Variants in FBLN7 observed in about 807,000 individuals in gnomAD.
FBLN7 encodes the protein fibulin-7.
FBLN7 carries 31 observed loss-of-function variants against 44.0 expected under a neutral mutation model. The observed-to-expected ratio is 0.70, with a 90% CI of 0.53 to 0.95. FBLN7 has a LOEUF of 0.95. Among genes scored for constraint, FBLN7 ranks in the 40% least tolerant of loss-of-function variants. The pLI, the probability that FBLN7 is intolerant of heterozygous loss-of-function variation, is 0.00. For synonymous variants in FBLN7, 262 were observed against 253.4 expected (o/e 1.03, Z -0.32); for missense variants, 573 against 618.5 (o/e 0.93, Z 0.78).
Position 112,138,463 on chromosome 2 carries a change from C to A in FBLN7, c.-193C>A. 2.1e-6 allele frequency: 1 copy of A among 480,042 alleles called. No individual in the cohort carries two copies. The highest frequency in any genetic ancestry group is 3.1e-6 in the Non-Finnish European group (1 of 326,972). The allele number at this position is 480,042 out of a possible 1,614,324, so 29.7% of individuals were successfully genotyped here. On this transcript the variant is annotated 5_prime_UTR_variant, in exon 1 of 8. Coordinates refer to ENST00000331203, the MANE Select transcript of FBLN7 (RefSeq NM_153214.3). Reference sequence around the variant, plus strand: ...AGCTGCGGGCGCACCTGGACCCTCGCAAGGCCCGGGCGGCGCCGATCCCCG... The same window carrying A: ...AGCTGCGGGCGCACCTGGACCCTCGAAAGGCCCGGGCGGCGCCGATCCCCG...
At chr2:112,241,803 T>C in the FBLN7 span, among the ~76,000 whole-genome samples, 2 of 152,250 alleles carry the variant, frequency 1.3e-5, no homozygotes, top group Non-Finnish European at 2.9e-5. Context: ...ATAAAGAACA[T>C]ATTACTCTAT....
At chr2:112,178,748 A>C (rs1333851272) in intron 4 of FBLN7, among the ~76,000 whole-genome samples, 2 of 152,224 alleles carry the variant, frequency 1.3e-5, no homozygotes, top group Non-Finnish European at 2.9e-5. Flanking sequence ...CTAAAAGCAA[A>C]ACTACATGAT....
intron 4 of FBLN7, 63 bp from the exon 5 acceptor site, chr2:112,181,676 C>A (rs978972242): frequency 4.5e-6 from 6 of 1,347,438 alleles, no homozygotes; most frequent in Non-Finnish European, 3.8e-6. Context: ...CCGGCCCCTA[C>A]CCAAGGTCGG....
At chr2:112,225,316 CTA>C in the FBLN7 span, among the ~76,000 whole-genome samples, 1 of 152,190 alleles carries the variant, frequency 6.6e-6, no homozygotes, top group African/African-American at 2.4e-5. Context: ...TTTTGAAAGA[CTA>C]TAGACAACAA....
chr2:112,184,628 AAAG>A (rs1558897015), intron 6 of FBLN7, among the ~76,000 whole-genome samples: 1 of 117,910 alleles, frequency 8.5e-6, no homozygotes, highest in African/African-American at 3.3e-5. Context: ...TAATTTAAAA[AAAG>A]TGTGTGTATA....
chr2:112,209,853 G>T, the FBLN7 span, among the ~76,000 whole-genome samples: 3 of 151,322 alleles, frequency 2.0e-5, no homozygotes, highest in Admixed American at 6.6e-5. Context: ...AGCCAAAAGA[G>T]GGTGAAATTG....
chr2:112,152,963 T>C (rs1681235045), intron 1 of FBLN7: 1 of 152,208 alleles, frequency 6.6e-6, no homozygotes, highest in African/African-American at 2.4e-5. Context: ...TGTGTGTATA[T>C]ATAATATATA....
chr2:112,187,292 A>G lies in FBLN7; in HGVS notation c.1106A>G (p.Asn369Ser), dbSNP rs768361747. The change falls in exon 8 of 8, where the codon AAC becomes AGC. Residue 369 changes from asparagine (N) to serine (S), a missense_variant. Asn to Ser is a conservative substitution (Grantham distance 46, BLOSUM62 1). Transcript: ENST00000331203. This position sits in a 1 kb window ranked among gnomAD's most constrained non-coding sequence, Gnocchi z 5.1. The part of the protein sequence containing the change: ...TASAPGRAGP[N>S]SLRFGIVGGN... Reference sequence around the variant, plus strand: ...TCTGCCCCCGGCCGAGCTGGGCCCAACAGCCTGCGGTTTGGGATCGTGGGT... The same window carrying G: ...TCTGCCCCCGGCCGAGCTGGGCCCAGCAGCCTGCGGTTTGGGATCGTGGGT... 8.7e-6 allele frequency: 14 copies of G among 1,614,160 alleles called. No homozygotes were observed. Among genetic ancestry groups the G allele is most frequent in the Admixed American group, 5.0e-5 (3 of 60,018 alleles).
chr2:112,160,773 G>GCGCACACGC (rs1681789682), intron 2 of FBLN7, among the ~76,000 whole-genome samples: 1 of 22,068 alleles, frequency 4.5e-5, no homozygotes, highest in Non-Finnish European at 1.0e-4. Flanking sequence ...CGCACACGCA[G>GCGCACACGC]ACGCACACGC....
the FBLN7 span, among the ~76,000 whole-genome samples, chr2:112,233,697 C>A: frequency 1.3e-4 from 20 of 152,168 alleles, no homozygotes; most frequent in East Asian, 3.7e-3. Flanking sequence ...GAAACCTCGT[C>A]CCTACTAACA....
chr2:112,191,777 T>A (rs1355784771), downstream of FBLN7, among the ~76,000 whole-genome samples: 1 of 152,216 alleles, frequency 6.6e-6, no homozygotes, highest in African/African-American at 2.4e-5. Flanking sequence ...GATTTACTGA[T>A]TATACCTCCT....
downstream of FBLN7, chr2:112,190,232 G>A (rs1683442199): frequency 6.6e-6 from 1 of 152,180 alleles, no homozygotes; most frequent in Admixed American, 6.5e-5. Flanking sequence ...GCTTCCAGTA[G>A]GAGGAGCAAA....
the FBLN7 span, among the ~76,000 whole-genome samples, chr2:112,238,768 G>C: frequency 4.6e-5 from 7 of 152,236 alleles, no homozygotes; most frequent in South Asian, 1.4e-3. Context: ...TATCCTTAAA[G>C]ATGATTTGAG....
the FBLN7 span, chr2:112,236,464 C>G: frequency 1.7e-5 from 26 of 1,486,710 alleles, no homozygotes; most frequent in Non-Finnish European, 2.1e-5. Context: ...GATGCTTCCA[C>G]CTCTCCATAT....
intron 1 of FBLN7, among the ~76,000 whole-genome samples, chr2:112,156,273 C>T (rs1029147905): frequency 2.0e-5 from 3 of 152,142 alleles, no homozygotes; most frequent in Admixed American, 6.5e-5. Flanking sequence ...GGGTGGCCGG[C>T]GGGGCTGGGT....
At position 112,187,710 on chromosome 2, in the gene FBLN7, T is replaced by C; in HGVS notation, c.*204T>C. ...AAACTCAACTGCTGCCATCACTCTT[T>C]TTTTTTTTCTGCTTTGAGGCCCTTC... On this transcript the variant is annotated 3_prime_UTR_variant, in exon 8 of 8. Transcript: ENST00000331203. The surrounding 1 kb of genome is among the most constrained non-coding windows in gnomAD (Gnocchi z 5.1). 1.6e-6 allele frequency: 1 copy of C among 623,976 alleles called. No individual in the cohort carries two copies. Among genetic ancestry groups the C allele is most frequent in the Non-Finnish European group, 2.7e-6 (1 of 371,162 alleles). The allele number at this position is 623,976 out of a possible 1,614,324, so 38.7% of individuals were successfully genotyped here. A position where few individuals can be genotyped will look rare whatever the true frequency, so the allele number is the denominator to read the frequency against.
rs1681464252 is a variant in FBLN7, at chr2:112,156,991, C to T, written c.76-2685C>T. On this transcript the variant is annotated intron_variant, in intron 1 of 7. Transcript: ENST00000331203. ...CTGGCTGTGGGGGCCACACACCTCC[C>T]TGCCACTTTACTGTTCCACTGTATT... 2.6e-5 allele frequency among the ~76,000 whole-genome samples: 4 copies of T among 152,174 alleles called. No individual in the cohort carries two copies. In the South Asian group the frequency reaches 8.3e-4, roughly 31 times the overall value.
the FBLN7 span, chr2:112,236,616 G>C: frequency 6.2e-7 from 1 of 1,613,950 alleles, no homozygotes; most frequent in South Asian, 1.1e-5. Context: ...TGTTTCCAGG[G>C]CCAGGCCATT....
At chr2:112,211,035 C>T in the FBLN7 span, among the ~76,000 whole-genome samples, 3 of 152,206 alleles carry the variant, frequency 2.0e-5, no homozygotes, top group Non-Finnish European at 4.4e-5. Context: ...GAAATCTCCA[C>T]TTCTTGTCAT....
Sources: gnomAD v4.1 joint callset for allele counts (sites outside exome capture counted in the v4.1 genomes callset) on GRCh38, gnomAD v4.1.1 for gene constraint, Gnocchi (gnomAD v3.1) non-coding constraint, MANE v1.5 for transcripts, NCBI Gene and HGNC (gene_info 2026-07-23, HGNC 2026-07-21) for gene names.